Variants in BOP1 observed in about 807,000 individuals in gnomAD.
The protein encoded by BOP1 is ribosome biogenesis protein BOP1.
In BOP1, 54 loss-of-function variants were observed where a neutral mutation model predicts 82.9. The ratio of observed to expected loss-of-function variants is 0.65; its 90% CI spans 0.52 to 0.82. BOP1 has a LOEUF of 0.82. Ranked by LOEUF, BOP1 falls within the 40% of genes least tolerant of loss-of-function variation. BOP1 has a pLI of 0.00. For synonymous variants in BOP1, 566 were observed against 451.1 expected (o/e 1.25, Z -3.23); for missense variants, 1,170 against 1,072.0 (o/e 1.09, Z -1.28).
At chr8:144,264,647 G>T in intron 5 of BOP1, 31 bp from the exon 6 acceptor site, 1 of 1,572,138 alleles carries the variant, frequency 6.4e-7, no homozygotes, top group East Asian at 2.3e-5. Context: ...GTGTGGGCCA[G>T]AGTGGCTGAG....
rs1815054263 is a variant in BOP1 at position 144,291,084 on chromosome 8, G to A, written c.99+188C>T. ...TCCCCCGTTTCTTTGCTTCCCGGAC[G>A]CCGTCCTTTACCCCGCAGTCCGCTC... On this transcript the variant is annotated intron_variant, in intron 1 of 15. Coordinates refer to ENST00000569669, the MANE Select transcript of BOP1 (RefSeq NM_015201.5). The surrounding 1 kb of genome is among the most constrained non-coding windows in gnomAD (Gnocchi z 4.1). 6.6e-6 allele frequency among the ~76,000 whole-genome samples: 1 copy of A among 150,914 alleles called. No homozygotes were observed. Among genetic ancestry groups the A allele is most frequent in the South Asian group, 2.1e-4 (1 of 4,778 alleles).
rs1175220797 is a variant in BOP1 at position 144,267,099 on chromosome 8, C to T, written c.391-2028G>A. The T allele has an allele frequency of 8.2e-5, 117 of 1,431,854 alleles. No homozygotes were observed. The African/African-American group carries it at 1.6e-3, about 19-fold the overall frequency. 88.7% of individuals were successfully genotyped at this position (1,431,854 alleles called of 1,614,324 possible). A position where few individuals can be genotyped will look rare whatever the true frequency, so the allele number is the denominator to read the frequency against. On this transcript the variant is annotated intron_variant, in intron 3 of 15. Transcript: ENST00000569669. ...GCGCCGGCAGCCCCCCGCCGCCGCC[C>T]CCGCCGCCTCCCGCCCGCGACGGCG...
At chr8:144,283,255 T>C (rs1488319489) in intron 2 of BOP1, among the ~76,000 whole-genome samples, 5 of 146,790 alleles carry the variant, frequency 3.4e-5, no homozygotes, top group Non-Finnish European at 7.4e-5. Flanking sequence ...GGCAGTTTGT[T>C]GTGGTGCCAG....
At position 144,291,194 on chromosome 8, in the gene BOP1, C is replaced by A. The variant is rs1485981179; in HGVS notation, c.99+78G>T. ...GGGCGCCCAGGTGACAGAAGCCGGG[C>A]CCACCCGCCCCAGCGCGGCCACGTG... is the stretch of plus-strand genomic sequence containing the variant. On this transcript the variant is annotated intron_variant, in intron 1 of 15. Coordinates refer to ENST00000569669, the MANE Select transcript of BOP1 (RefSeq NM_015201.5). This position sits in a 1 kb window ranked among gnomAD's most constrained non-coding sequence, Gnocchi z 4.1. 1.2e-5 allele frequency: 15 copies of A among 1,261,268 alleles called. No homozygotes were observed. The highest frequency in any genetic ancestry group is 1.3e-5 in the Non-Finnish European group (13 of 989,286). 78.1% of individuals were successfully genotyped at this position (1,261,268 alleles called of 1,614,324 possible).
intron 3 of BOP1, chr8:144,268,249 C>T: frequency 6.8e-7 from 1 of 1,479,260 alleles, no homozygotes; most frequent in Non-Finnish European, 9.2e-7. Flanking sequence ...AGGCCCACCG[C>T]AAGCATGCCC....
At position 144,291,060 on chromosome 8, in the gene BOP1, C is replaced by T. The variant is rs2130282837; in HGVS notation, c.99+212G>A. ...GGGCGCCCCGTCCCCACTCCCCGCT[C>T]CCCCGTTTCTTTGCTTCCCGGACGC... On this transcript the variant is annotated intron_variant, in intron 1 of 15. Coordinates refer to ENST00000569669, the MANE Select transcript of BOP1 (RefSeq NM_015201.5). This position sits in a 1 kb window ranked among gnomAD's most constrained non-coding sequence, Gnocchi z 4.1. Among the ~76,000 whole-genome samples, 1 of 152,016 alleles carries T rather than the reference C, an allele frequency of 6.6e-6. No individual in the cohort carries two copies. Among genetic ancestry groups the T allele is most frequent in the East Asian group, 1.9e-4 (1 of 5,156 alleles).
At chr8:144,288,901 C>G (rs1404817716) in intron 2 of BOP1, among the ~76,000 whole-genome samples, 194 bp downstream of exon 2, 1 of 152,238 alleles carries the variant, frequency 6.6e-6, no homozygotes, top group African/African-American at 2.4e-5. Context: ...TTTCAGAGTT[C>G]CTGGGAACGG....
chr8:144,289,466 C>T (rs1814973102), intron 1 of BOP1, among the ~76,000 whole-genome samples, 162 bp from the exon 2 acceptor site: 1 of 152,248 alleles, frequency 6.6e-6, no homozygotes, highest in Admixed American at 6.5e-5. Flanking sequence ...AAAGCATCCA[C>T]CCAACCTGAG....
intron 1 of BOP1, among the ~76,000 whole-genome samples, chr8:144,289,936 C>T (rs1191364851): frequency 1.3e-5 from 2 of 152,322 alleles, no homozygotes; most frequent in South Asian, 2.1e-4. Flanking sequence ...ACCAACCCAC[C>T]CACTCCTCTC....
intron 3 of BOP1, among the ~76,000 whole-genome samples, chr8:144,267,471 G>A (rs1178942162): frequency 1.3e-5 from 2 of 152,258 alleles, no homozygotes; most frequent in Admixed American, 6.5e-5. Context: ...AGGCTGGGGA[G>A]CTGGACCAGG....
intron 2 of BOP1, among the ~76,000 whole-genome samples, chr8:144,288,494 C>T (rs1814945142): frequency 6.6e-6 from 1 of 152,050 alleles, no homozygotes; most frequent in Admixed American, 6.6e-5. Flanking sequence ...CACCACTGCA[C>T]TCCAGCCTGG....
chr8:144,276,595 TG>T (rs1845570890), intron 2 of BOP1, among the ~76,000 whole-genome samples: 1 of 152,078 alleles, frequency 6.6e-6, no homozygotes. Flanking sequence ...CGGAAGCCAC[TG>T]GGGCAGTCAG....
At position 144,263,372 on chromosome 8, in the gene BOP1, G is replaced by A. The variant is rs1450047312; in HGVS notation, c.1454C>T (p.Ala485Val). 2.5e-6 allele frequency: 4 copies of A among 1,597,194 alleles called. No homozygotes were observed. The highest frequency in any genetic ancestry group is 3.4e-6 in the Non-Finnish European group (4 of 1,179,608). The change falls in exon 12 of 16, where the codon GCT becomes GTT. Residue 485 changes from alanine (A) to valine (V), a missense_variant. By Grantham distance (64) the Ala-to-Val change is moderately conservative. Coordinates refer to ENST00000569669, the MANE Select transcript of BOP1 (RefSeq NM_015201.5). ...VEDSVLLLNPALGDRLVAGST... is the reference protein window; with the variant it reads ...VEDSVLLLNPVLGDRLVAGST... Reference sequence around the variant, plus strand: ...GCCCGCCACCAGCCGGTCCCCCAGAGCTGGGTTCAGCAGCAGCACCGAGTC... The same window carrying A: ...GCCCGCCACCAGCCGGTCCCCCAGAACTGGGTTCAGCAGCAGCACCGAGTC...
In BOP1 at chr8:144,264,546, C is replaced by G. The variant is rs1845312428; in HGVS notation, c.734G>C (p.Ser245Thr). The change falls in exon 6 of 16, where the codon AGC becomes ACC. Residue 245 changes from serine (S) to threonine (T), a missense_variant. By Grantham distance (58) the Ser-to-Thr change is moderately conservative (BLOSUM62 1). Transcript: ENST00000569669. Reference protein sequence around the residue: ...PVTNRPADKRSFIPSLVEKEK... With the variant: ...PVTNRPADKRTFIPSLVEKEK... ...CTTCTCCACCAGGGAGGGGATGAAG[C>G]TGCGCTTGTCGGCCGGGCGGTTGGT... is the stretch of plus-strand genomic sequence containing the variant. The G allele has an allele frequency of 1.2e-6, 2 of 1,610,434 alleles. No individual in the cohort carries two copies. The highest frequency in any genetic ancestry group is 3.3e-5 in the Admixed American group (2 of 59,776).
intron 3 of BOP1, among the ~76,000 whole-genome samples, chr8:144,269,865 G>A (rs1228842546): frequency 6.6e-6 from 1 of 152,162 alleles, no homozygotes; most frequent in Admixed American, 6.5e-5. Context: ...TGAGTGAGGA[G>A]CAGGGTGGAC....
chr8:144,264,210 A>G lies in BOP1; in HGVS notation c.978+15T>C. ...GCATGGGGACAGGGTCCCGGCCCCC[A>G]GGATGCAGGCCCACCTCCTCCTCGC... is the stretch of plus-strand genomic sequence containing the variant. On this transcript the variant is annotated intron_variant, in intron 7 of 15. Coordinates refer to ENST00000569669, the MANE Select transcript of BOP1 (RefSeq NM_015201.5). 1 of 1,607,390 alleles carries G rather than the reference A, an allele frequency of 6.2e-7. No homozygotes were observed. The highest frequency in any genetic ancestry group is 8.5e-7 in the Non-Finnish European group (1 of 1,177,918).
intron 6 of BOP1, 22 bp downstream of exon 6, chr8:144,264,493 C>T (rs1845310569): frequency 1.9e-6 from 3 of 1,608,782 alleles, no homozygotes; most frequent in Non-Finnish European, 2.5e-6. Flanking sequence ...CCAGGCCAAG[C>T]CCCAGGGGCT....
chr8:144,262,582 C>T lies in BOP1; in HGVS notation c.1979+6G>A, dbSNP rs1554836541. On this transcript the variant is annotated splice_donor_region_variant and intron_variant, in intron 14 of 15. Transcript: ENST00000569669. ...GCTGGCCGCCTCCACCCCCAGCTTT[C>T]CTCACCTCAGCATCCTGTATGGCTT... 2 of 1,613,430 alleles carry T rather than the reference C, an allele frequency of 1.2e-6. No homozygotes were observed. Among genetic ancestry groups the T allele is most frequent in the Admixed American group, 1.7e-5 (1 of 60,012 alleles).
At chr8:144,268,028 C>G in intron 3 of BOP1, 1 of 1,547,650 alleles carries the variant, frequency 6.5e-7, no homozygotes, top group Non-Finnish European at 8.7e-7. Flanking sequence ...GAGATGGCAC[C>G]CAGCAGGGAG....
Sources: gnomAD v4.1 joint callset for allele counts (sites outside exome capture counted in the v4.1 genomes callset) on GRCh38, gnomAD v4.1.1 for gene constraint, Gnocchi (gnomAD v3.1) non-coding constraint, MANE v1.5 for transcripts, NCBI Gene and HGNC (gene_info 2026-07-23, HGNC 2026-07-21) for gene names.